SYNE2: variants seen among roughly 807,000 people sequenced by gnomAD.
The protein encoded by SYNE2 is nesprin-2.
A neutral mutation model predicts 856.3 loss-of-function variants in SYNE2; 431 were observed. That is an observed-to-expected ratio of 0.50 (90% CI 0.47 to 0.55). The LOEUF (loss-of-function observed/expected upper bound fraction) is 0.55, where lower values mean the gene tolerates loss of function less well. Ranked by LOEUF, SYNE2 falls within the 20% of genes least tolerant of loss-of-function variation. The probability of loss-of-function intolerance (pLI) is 0.00; values close to 1 mark genes in which losing one functional copy is unlikely to be tolerated. For synonymous variants in SYNE2, 2,923 were observed against 2,872.3 expected, an observed-to-expected ratio of 1.02 and a Z score of -0.56; for missense variants, 8,129 against 8,023.2, an observed-to-expected ratio of 1.01 and a Z score of -0.50.
intron 65 of SYNE2, chr14:64,112,975 A>C: frequency 3.0e-6 from 3 of 984,078 alleles, no homozygotes; most frequent in Non-Finnish European, 3.6e-6. Flanking sequence ...GCATTGCTTA[A>C]TCATGTGTCA....
intron 2 of SYNE2, among the ~76,000 whole-genome samples, chr14:63,913,484 A>G (rs2095497945): frequency 8.0e-6 from 1 of 124,448 alleles, no homozygotes; most frequent in Non-Finnish European, 1.7e-5. Context: ...TTTTTCTGAG[A>G]CAGAATCTTG....
intron 65 of SYNE2, chr14:64,113,024 G>A (rs1195050687): frequency 1.3e-5 from 13 of 984,930 alleles, no homozygotes; most frequent in South Asian, 9.4e-5. Context: ...TAAATGTTTC[G>A]GACACACACA....
At chr14:63,782,487 AAAG>A (rs1414413402) in intron 1 of SYNE2, among the ~76,000 whole-genome samples, 4 of 151,356 alleles carry the variant, frequency 2.6e-5, no homozygotes, top group Non-Finnish European at 4.4e-5. Flanking sequence ...AAAAAAAAAA[AAAG>A]AGTGACTGGA....
At position 63,997,360 on chromosome 14, in the gene SYNE2, C is replaced by G. The variant is rs2096721506; in HGVS notation, c.3212C>G (p.Ala1071Gly). The change falls in exon 25 of 116, where the codon GCA becomes GGA. Residue 1071 changes from alanine to glycine, a missense_variant. Around this residue, in one of 3 missense-constraint regions of SYNE2, gnomAD observed 2,422 missense variants for 2,357.4 expected, o/e 1.03. Coordinates refer to ENST00000555002, the MANE Select transcript of SYNE2 (RefSeq NM_182914.3). ...GATCCCCACAGTGAGGCACCATTTG[C>G]AAAATCAGATAATCAGCCATCAACT... ...GGDPHSEAPF[A>G]KSDNQPSTEK... 1.9e-6 allele frequency: 3 copies of G among 1,613,466 alleles called. No individual in the cohort carries two copies. The East Asian group carries it at 6.7e-5, about 36-fold the overall frequency.
chr14:63,900,659 G>T (rs2095325313), intron 1 of SYNE2, among the ~76,000 whole-genome samples: 1 of 152,204 alleles, frequency 6.6e-6, no homozygotes, highest in South Asian at 2.1e-4. Flanking sequence ...TGGCATTTGT[G>T]TGGTGTCATT....
At chr14:64,177,556 CT>C (rs1243973293) in intron 96 of SYNE2, 73 bp downstream of exon 96, 5 of 1,591,726 alleles carry the variant, frequency 3.1e-6, no homozygotes, top group Admixed American at 1.7e-5. Context: ...GCTTCTTTGC[CT>C]CTTTCTGTAT....
At chr14:64,125,331 G>C in intron 71 of SYNE2, 121 bp downstream of exon 71, 1 of 1,396,542 alleles carries the variant, frequency 7.2e-7, no homozygotes, top group Admixed American at 1.9e-5. Flanking sequence ...AATGGAATGG[G>C]TCCTAGGATT....
intron 28 of SYNE2, among the ~76,000 whole-genome samples, chr14:64,001,015 C>T (rs1036501160): frequency 6.6e-6 from 1 of 152,158 alleles, no homozygotes; most frequent in Non-Finnish European, 1.5e-5. Context: ...GGCATGAATT[C>T]GACCAAGTCA....
chr14:63,840,399 T>TTTCCTTCCTTCC lies in SYNE2; in HGVS notation c.-304-12060_-304-12049dup, dbSNP rs747899857. Among the ~76,000 whole-genome samples, 342 of 115,462 alleles carry TTTCCTTCCTTCC rather than the reference T, an allele frequency of 3.0e-3. 3 individuals are homozygous for TTTCCTTCCTTCC. Among genetic ancestry groups the TTTCCTTCCTTCC allele is most frequent in the East Asian group, 0.014 (49 of 3,588 alleles). 75.7% of individuals were successfully genotyped at this position (115,462 alleles called of 152,430 possible). ...TTTTTGTATTTCTTCCTTTCTTTCC[T>TTTCCTTCCTTCC]TTCCTTCCTTCCTTCCTTCCTTCCT... is the stretch of plus-strand genomic sequence containing the variant. On this transcript the variant is annotated intron_variant, in intron 1 of 23. Coordinates refer to the SYNE2 transcript ENST00000674003.
chr14:64,014,452 A>G (rs1025887353), intron 32 of SYNE2, among the ~76,000 whole-genome samples: 24 of 151,956 alleles, frequency 1.6e-4, no homozygotes, highest in African/African-American at 5.8e-4. Flanking sequence ...TTTTTGATGG[A>G]GTCTTGCTCT....
chr14:64,121,751 G>T (rs1176280325), intron 68 of SYNE2, among the ~76,000 whole-genome samples: 1 of 152,186 alleles, frequency 6.6e-6, no homozygotes, highest in Admixed American at 6.5e-5. Context: ...TTGCGACTCT[G>T]CTTTGCCTGT....
At chr14:63,785,287 C>G (rs147957461) in intron 1 of SYNE2, among the ~76,000 whole-genome samples, 3 of 151,934 alleles carry the variant, frequency 2.0e-5, no homozygotes, top group Non-Finnish European at 4.4e-5. Flanking sequence ...GGCAAAACCC[C>G]GTCTCTACCA....
At chr14:63,788,128 C>T (rs1040660614) in intron 1 of SYNE2, among the ~76,000 whole-genome samples, 2 of 152,220 alleles carry the variant, frequency 1.3e-5, no homozygotes, top group Admixed American at 1.3e-4. Context: ...TGGACTGCGA[C>T]AGCATCCCTG....
intron 6 of SYNE2, among the ~76,000 whole-genome samples, chr14:63,946,390 T>G (rs541657387): frequency 6.6e-6 from 1 of 151,772 alleles, no homozygotes; most frequent in East Asian, 1.9e-4. Flanking sequence ...ACTGGGCTAC[T>G]GCACTCTAGC....
intron 62 of SYNE2, 53 bp downstream of exon 62, chr14:64,098,199 G>A: frequency 6.3e-7 from 1 of 1,589,068 alleles, no homozygotes; most frequent in Non-Finnish European, 8.6e-7. Flanking sequence ...GAGCATTAAT[G>A]GGTAGTGTTT....
intron 2 of SYNE2, among the ~76,000 whole-genome samples, chr14:63,914,830 T>C (rs12896120): frequency 0.095 from 14,423 of 152,266 alleles, 730 homozygotes; most frequent in East Asian, 0.13. Flanking sequence ...CAGGCTGGAG[T>C]GCAGTGGTGC....
intron 2 of SYNE2, among the ~76,000 whole-genome samples, chr14:63,916,812 A>C (rs1461715305): frequency 6.6e-6 from 1 of 152,110 alleles, no homozygotes; most frequent in East Asian, 1.9e-4. Context: ...CGGCTGGTGC[A>C]GTGGCTCACA....
chr14:64,157,829 G>A (rs1275135203), intron 85 of SYNE2, among the ~76,000 whole-genome samples: 3 of 152,110 alleles, frequency 2.0e-5, no homozygotes, highest in Non-Finnish European at 4.4e-5. Flanking sequence ...CTTAATGACT[G>A]TATATGTTCA....
rs755208344 is a variant in SYNE2 at position 64,122,323 on chromosome 14, T to G, written c.13318T>G (p.Ser4440Ala). The change falls in exon 70 of 116, where the codon TCG becomes GCG. Residue 4440 changes from serine to alanine, a missense_variant. This residue lies in a region of SYNE2 where 5,410 missense variants were observed against 5,284.8 expected (regional missense o/e 1.02). Transcript: ENST00000555002. ...CAGCCCTGAAAATGACGTTCCAGAC[T>G]CGATCTTGTCACCCCAGGGCCAAAA... ...ASSPENDVPDSILSPQGQNGD... is the reference protein window; with the variant it reads ...ASSPENDVPDAILSPQGQNGD... 1 of 1,614,070 alleles carries G rather than the reference T, an allele frequency of 6.2e-7. No individual in the cohort carries two copies. The highest frequency in any genetic ancestry group is 1.7e-5 in the Admixed American group (1 of 60,002).
Sources: gnomAD v4.1 joint callset for allele counts (sites outside exome capture counted in the v4.1 genomes callset) on GRCh38, gnomAD v4.1.1 for gene constraint, gnomAD v4.1.1 regional missense constraint, MANE v1.5 for transcripts, NCBI Gene and HGNC (gene_info 2026-07-23, HGNC 2026-07-21) for gene names.